RAC1: variants seen among roughly 807,000 people sequenced by gnomAD.
RAC1 encodes Rac family small GTPase 1, also known as ras-related C3 botulinum toxin substrate 1.
In RAC1, 2 loss-of-function variants were observed where a neutral mutation model predicts 25.2. The ratio of observed to expected loss-of-function variants is 0.08; its 90% CI spans 0.03 to 0.25. The LOEUF (loss-of-function observed/expected upper bound fraction) is 0.25, where lower values mean the gene tolerates loss of function less well. Among genes scored for constraint, RAC1 ranks in the 10% least tolerant of loss-of-function variants. The pLI is 1.00. For missense variants in RAC1, 50 were observed against 235.7 expected (o/e 0.21, Z 5.16); for synonymous variants, 88 against 94.0 (o/e 0.94, Z 0.37).
chr7:6,399,816 C>T, intron 3 of RAC1: 1 of 333,142 alleles, frequency 3.0e-6, no homozygotes, highest in Non-Finnish European at 5.5e-6. Flanking sequence ...TTGATTTTTT[C>T]ATTTTAGATA....
At chr7:6,382,473 A>C (rs1782795288) in intron 1 of RAC1, among the ~76,000 whole-genome samples, 1 of 152,106 alleles carries the variant, frequency 6.6e-6, no homozygotes, top group African/African-American at 2.4e-5. Flanking sequence ...GGAAATTCCT[A>C]GCGTTTCTAG....
intron 1 of RAC1, among the ~76,000 whole-genome samples, chr7:6,386,171 T>C (rs1187648714): frequency 1.3e-5 from 2 of 152,182 alleles, no homozygotes; most frequent in Non-Finnish European, 2.9e-5. Context: ...ACTTCTCTGT[T>C]TGGCAAGTTT....
intron 1 of RAC1, among the ~76,000 whole-genome samples, chr7:6,378,447 G>C (rs1202018517): frequency 6.6e-6 from 1 of 152,110 alleles, no homozygotes; most frequent in Non-Finnish European, 1.5e-5. Context: ...TCAGGATGCT[G>C]AGGCAGGAGA....
chr7:6,387,681 C>T (rs371819578), intron 2 of RAC1, among the ~76,000 whole-genome samples: 1 of 151,718 alleles, frequency 6.6e-6, no homozygotes, highest in South Asian at 2.1e-4. Context: ...GCCAAGATCA[C>T]GCCACTGCAC....
Position 6,388,533 on chromosome 7 carries a change from C to G in RAC1, c.107+1250C>G, listed in dbSNP as rs371690487. Reference sequence around the variant, plus strand: ...CTAATTTTTGTTTCTTTAGTAGAGACGGGTTTCACCATGTTGGCCAGGTTG... The same window carrying G: ...CTAATTTTTGTTTCTTTAGTAGAGAGGGGTTTCACCATGTTGGCCAGGTTG... On this transcript the variant is annotated intron_variant, in intron 2 of 5. Transcript: ENST00000348035. Among the ~76,000 whole-genome samples the G allele has an allele frequency of 2.2e-4, 34 of 151,618 alleles. No individual in the cohort carries two copies. The East Asian group carries it at 4.9e-3, about 22-fold the overall frequency.
In RAC1 at chr7:6,403,732, G is replaced by A. The variant is rs373918915; in HGVS notation, c.*1286G>A. ...ACGCGGACACACGCCTCCTGTAGTC[G>A]CTTTGCCTATTGATGTTCCTTTGGG... On this transcript the variant is annotated 3_prime_UTR_variant, in exon 6 of 6. Transcript: ENST00000348035. The A allele has an allele frequency of 1.4e-5, 3 of 209,564 alleles. No individual in the cohort carries two copies. Among genetic ancestry groups the A allele is most frequent in the Non-Finnish European group, 1.9e-5 (2 of 103,096 alleles). 13.0% of individuals were successfully genotyped at this position (209,564 alleles called of 1,614,324 possible). A position where few individuals can be genotyped will look rare whatever the true frequency, so the allele number is the denominator to read the frequency against.
intron 3 of RAC1, among the ~76,000 whole-genome samples, chr7:6,396,692 C>A (rs571479692): frequency 6.6e-6 from 1 of 152,110 alleles, no homozygotes; most frequent in African/African-American, 2.4e-5. Flanking sequence ...TAGATGAAAC[C>A]CAGATAGCTG....
At chr7:6,375,262 AT>A (rs954882332) in intron 1 of RAC1, among the ~76,000 whole-genome samples, 8 of 151,194 alleles carry the variant, frequency 5.3e-5, no homozygotes, top group Middle Eastern at 3.2e-3. Flanking sequence ...CTTTAAAAAA[AT>A]TTTTTTTTCA....
At chr7:6,384,986 A>G (rs1303688033) in intron 1 of RAC1, among the ~76,000 whole-genome samples, 1 of 143,354 alleles carries the variant, frequency 7.0e-6, no homozygotes, top group Non-Finnish European at 1.5e-5. Context: ...TTGTATTTTT[A>G]GTAGAGAACG....
chr7:6,399,008 C>A (rs892448931), intron 3 of RAC1, among the ~76,000 whole-genome samples: 1 of 152,320 alleles, frequency 6.6e-6, no homozygotes, highest in Admixed American at 6.5e-5. Context: ...ATGGAGACTC[C>A]TCCCGGAAGC....
chr7:6,402,726 C>T lies in RAC1; in HGVS notation c.*280C>T. On this transcript the variant is annotated 3_prime_UTR_variant, in exon 6 of 6. Coordinates refer to ENST00000348035, the MANE Select transcript of RAC1 (RefSeq NM_006908.5). Reference sequence around the variant, plus strand: ...CTTAAAGCCTTATTTTTCAAAAGCGCCCCCCCCATTCTTGTTCAGATTAAG... The same window carrying T: ...CTTAAAGCCTTATTTTTCAAAAGCGTCCCCCCCATTCTTGTTCAGATTAAG... The T allele has an allele frequency of 7.1e-6, 2 of 281,040 alleles. No homozygotes were observed. The highest frequency in any genetic ancestry group is 6.6e-6 in the Non-Finnish European group (1 of 151,392). The allele number at this position is 281,040 out of a possible 1,614,324, so 17.4% of individuals were successfully genotyped here. A position where few individuals can be genotyped will look rare whatever the true frequency, so the allele number is the denominator to read the frequency against.
At chr7:6,390,945 C>T (rs979620378) in intron 2 of RAC1, among the ~76,000 whole-genome samples, 3 of 152,048 alleles carry the variant, frequency 2.0e-5, no homozygotes, top group Non-Finnish European at 2.9e-5. Context: ...TTGCCCAGGC[C>T]GGAGTGCAGT....
chr7:6,385,973 C>T (rs556051813), intron 1 of RAC1, among the ~76,000 whole-genome samples: 1 of 152,208 alleles, frequency 6.6e-6, no homozygotes, highest in East Asian at 1.9e-4. Flanking sequence ...AATTGGAGAC[C>T]TTTATGTTTT....
rs1783478851 is a variant in RAC1 at position 6,403,475 on chromosome 7, A to T, written c.*1029A>T. On this transcript the variant is annotated 3_prime_UTR_variant, in exon 6 of 6. Coordinates refer to ENST00000348035, the MANE Select transcript of RAC1 (RefSeq NM_006908.5). ...TATTATAAAATCTTTCTGATAATGC[A>T]TTAGAAGGTTTTTTTGTCGATTAGT... The T allele has an allele frequency of 4.6e-6, 1 of 218,200 alleles. No individual in the cohort carries two copies. The highest frequency in any genetic ancestry group is 9.2e-6 in the Non-Finnish European group (1 of 108,468). The allele number at this position is 218,200 out of a possible 1,614,324, so 13.5% of individuals were successfully genotyped here.
intron 3 of RAC1, among the ~76,000 whole-genome samples, chr7:6,397,949 A>G (rs1783293223): frequency 2.6e-5 from 4 of 152,192 alleles, no homozygotes; most frequent in Admixed American, 6.5e-5. Context: ...AGATCTCACC[A>G]TTGCACTCCA....
intron 3 of RAC1, chr7:6,398,732 TC>T (rs754383361): frequency 6.2e-7 from 1 of 1,610,242 alleles, no homozygotes; most frequent in South Asian, 1.1e-5. Flanking sequence ...TGTAAAACTT[TC>T]AGTCCACTTC....
At chr7:6,396,422 G>C (rs903255837) in intron 3 of RAC1, among the ~76,000 whole-genome samples, 1 of 152,136 alleles carries the variant, frequency 6.6e-6, no homozygotes, top group African/African-American at 2.4e-5. Context: ...TATTTAGCTG[G>C]GGACGAAGAA....
At chr7:6,395,674 G>A (rs529493657) in intron 3 of RAC1, among the ~76,000 whole-genome samples, 45 of 152,262 alleles carry the variant, frequency 3.0e-4, no homozygotes, top group Non-Finnish European at 5.1e-4. Flanking sequence ...AGTGTTCTGC[G>A]AGATTATTCT....
At position 6,383,764 on chromosome 7, in the gene RAC1, G is replaced by A. The variant is rs375124284; in HGVS notation, c.36-3448G>A. 1.6e-4 allele frequency among the ~76,000 whole-genome samples: 20 copies of A among 122,216 alleles called. No homozygotes were observed. The East Asian group carries it at 6.3e-3, about 39-fold the overall frequency. The allele number at this position is 122,216 out of a possible 152,430, so 80.2% of individuals were successfully genotyped here. The stretch of plus-strand genomic sequence containing the variant: ...GACACTGAGTGGCAACTATTGTTAA[G>A]GTTTTTACACAACCTTTATCTTTTT... On this transcript the variant is annotated intron_variant, in intron 1 of 5. Coordinates refer to ENST00000348035, the MANE Select transcript of RAC1 (RefSeq NM_006908.5).
Sources: gnomAD v4.1 joint callset for allele counts (sites outside exome capture counted in the v4.1 genomes callset) on GRCh38, gnomAD v4.1.1 for gene constraint, MANE v1.5 for transcripts, NCBI Gene and HGNC (gene_info 2026-07-23, HGNC 2026-07-21) for gene names.